The following CRIM1 variants were observed in gnomAD, a reference collection of about 807,000 sequenced individuals.
The protein encoded by CRIM1 is cysteine-rich motor neuron 1 protein.
CRIM1 carries 32 observed loss-of-function variants against 116.4 expected under a neutral mutation model. The observed-to-expected ratio is 0.27, with a 90% CI of 0.21 to 0.37. The LOEUF is 0.37. Ranked by LOEUF, CRIM1 falls within the 10% of genes least tolerant of loss-of-function variation. The probability of loss-of-function intolerance (pLI) is 1.00; values close to 1 mark genes in which losing one functional copy is unlikely to be tolerated. For missense variants in CRIM1, 1,331 were observed against 1,354.8 expected, an observed-to-expected ratio of 0.98 and a Z score of 0.28; for synonymous variants, 590 against 509.2, an observed-to-expected ratio of 1.16 and a Z score of -2.13.
At chr2:36,538,070 C>G (rs1269132078) in intron 14 of CRIM1, among the ~76,000 whole-genome samples, 1 of 152,208 alleles carries the variant, frequency 6.6e-6, no homozygotes, top group African/African-American at 2.4e-5. Context: ...AACTGCCCAT[C>G]TCTTTCCACA....
At chr2:36,438,390 A>G (rs568271018) in intron 2 of CRIM1, among the ~76,000 whole-genome samples, 1 of 152,372 alleles carries the variant, frequency 6.6e-6, no homozygotes, top group East Asian at 1.9e-4. Context: ...CCAGATAAGC[A>G]GTCTACCAAA....
At chr2:36,468,490 C>T (rs2125017680) in intron 5 of CRIM1, among the ~76,000 whole-genome samples, 1 of 152,276 alleles carries the variant, frequency 6.6e-6, no homozygotes, top group East Asian at 1.9e-4. Flanking sequence ...ACTTATGAGG[C>T]TTTGGCTGAA....
intron 2 of CRIM1, among the ~76,000 whole-genome samples, chr2:36,417,994 G>A (rs1420000648): frequency 6.6e-6 from 1 of 152,158 alleles, no homozygotes; most frequent in Non-Finnish European, 1.5e-5. Context: ...GGTGGTGGGT[G>A]GAGGAGAATT....
Position 36,401,851 on chromosome 2 carries a change from C to G in CRIM1, c.505+5064C>G, listed in dbSNP as rs185812649. Among the ~76,000 whole-genome samples, 20 of 152,284 alleles carry G rather than the reference C, an allele frequency of 1.3e-4. 1 individual carries two copies. The highest frequency in any genetic ancestry group is 1.3e-3 in the Admixed American group (20 of 15,294). ...CATCCAGCAAGTATTTATGAAATGC[C>G]AGATACATACGTGACACTGTTGTAG... On this transcript the variant is annotated intron_variant, in intron 2 of 16. Transcript: ENST00000280527.
At chr2:36,404,760 A>C (rs577056474) in intron 2 of CRIM1, among the ~76,000 whole-genome samples, 8 of 152,166 alleles carry the variant, frequency 5.3e-5, no homozygotes, top group Non-Finnish European at 1.0e-4. Context: ...ACTAATTTTT[A>C]CACAAAGACT....
chr2:36,384,088 G>A (rs374342224), intron 1 of CRIM1, among the ~76,000 whole-genome samples: 6 of 152,220 alleles, frequency 3.9e-5, no homozygotes, highest in Admixed American at 1.3e-4. Context: ...AGGGGACAGA[G>A]ACAACCACAG....
chr2:36,471,167 A>G (rs934641038), intron 5 of CRIM1, among the ~76,000 whole-genome samples: 1 of 152,218 alleles, frequency 6.6e-6, no homozygotes, highest in African/African-American at 2.4e-5. Flanking sequence ...TTGAGATAGA[A>G]TCTACTCCTG....
intron 5 of CRIM1, 26 bp from the exon 6 acceptor site, chr2:36,476,863 G>A: frequency 6.3e-7 from 1 of 1,579,460 alleles, no homozygotes; most frequent in Admixed American, 1.8e-5. Flanking sequence ...CTACAAATAT[G>A]CCTTGTTTGT....
chr2:36,458,226 G>A (rs1302905212), intron 4 of CRIM1, among the ~76,000 whole-genome samples: 2 of 152,166 alleles, frequency 1.3e-5, no homozygotes, highest in African/African-American at 4.8e-5. Context: ...CTCCTCTGCA[G>A]AAGGAGCCTA....
chr2:36,515,645 G>C (rs1467884300), intron 11 of CRIM1, among the ~76,000 whole-genome samples: 1 of 152,092 alleles, frequency 6.6e-6, no homozygotes, highest in Non-Finnish European at 1.5e-5. Context: ...CAGATTTTCT[G>C]TCTTCCATAC....
intron 4 of CRIM1, among the ~76,000 whole-genome samples, chr2:36,453,337 GA>G (rs1676881082): frequency 6.6e-6 from 1 of 152,190 alleles, no homozygotes; most frequent in South Asian, 2.1e-4. Context: ...TGATTGAAAA[GA>G]AAGGAAGTTA....
intron 16 of CRIM1, 76 bp downstream of exon 16, chr2:36,547,247 C>T (rs1189630801): frequency 1.8e-5 from 22 of 1,230,086 alleles, no homozygotes; most frequent in African/African-American, 3.0e-5. Context: ...TTGCTTGAAA[C>T]CTTGTGTCTT....
chr2:36,414,232 T>C (rs1309723240), intron 2 of CRIM1, among the ~76,000 whole-genome samples: 1 of 152,214 alleles, frequency 6.6e-6, no homozygotes, highest in Non-Finnish European at 1.5e-5. Flanking sequence ...AGTGCTGTTA[T>C]ATACAAATCC....
chr2:36,536,930 A>G (rs1666593779), intron 13 of CRIM1, among the ~76,000 whole-genome samples: 1 of 152,118 alleles, frequency 6.6e-6, no homozygotes, highest in African/African-American at 2.4e-5. Flanking sequence ...CTCCCACTCA[A>G]GGGTTGCAGA....
intron 5 of CRIM1, among the ~76,000 whole-genome samples, chr2:36,471,761 C>CGCA (rs1558340997): frequency 2.3e-5 from 3 of 128,664 alleles, no homozygotes; most frequent in African/African-American, 8.4e-5. Context: ...ACACACACAC[C>CGCA]ATCTTACAAT....
At chr2:36,528,769 T>C (rs1386473470) in intron 13 of CRIM1, among the ~76,000 whole-genome samples, 1 of 152,118 alleles carries the variant, frequency 6.6e-6, no homozygotes, top group African/African-American at 2.4e-5. Flanking sequence ...GTTTAGAGAG[T>C]ATAAAAATGA....
chr2:36,446,211 C>A (rs1191925242), intron 4 of CRIM1, among the ~76,000 whole-genome samples: 1 of 152,168 alleles, frequency 6.6e-6, no homozygotes, highest in Non-Finnish European at 1.5e-5. Flanking sequence ...ATTCCTCCCT[C>A]CTTCATTCCC....
intron 1 of CRIM1, among the ~76,000 whole-genome samples, chr2:36,363,982 A>C (rs1669422265): frequency 6.6e-6 from 1 of 152,182 alleles, no homozygotes; most frequent in Non-Finnish European, 1.5e-5. Flanking sequence ...GCCTGAAAAT[A>C]TTCATGAGCA....
chr2:36,548,525 C>G lies in CRIM1; in HGVS notation c.2935C>G (p.Pro979Ala). The G allele has an allele frequency of 6.4e-7, 1 of 1,559,210 alleles. No homozygotes were observed. Residue 979 changes from proline (P) to alanine (A), a missense_variant and splice_region_variant, in exon 17 of 17, where the codon CCT becomes GCT. By Grantham distance (27) the Pro-to-Ala change is conservative. Coordinates refer to ENST00000280527, the MANE Select transcript of CRIM1 (RefSeq NM_016441.3). ...TTTTATTCCTCCTCTCATTAAATAGCCTTCTTCCTTAAATAATCAGCTAGT... is the reference window on the plus strand; with the variant it reads ...TTTTATTCCTCCTCTCATTAAATAGGCTTCTTCCTTAAATAATCAGCTAGT... ...LLCWYRTPTK[P>A]SSLNNQLVSV...
Sources: gnomAD v4.1 joint callset for allele counts (sites outside exome capture counted in the v4.1 genomes callset) on GRCh38, gnomAD v4.1.1 for gene constraint, MANE v1.5 for transcripts, NCBI Gene and HGNC (gene_info 2026-07-23, HGNC 2026-07-21) for gene names.